Variants in GRIA4 observed in about 807,000 individuals in gnomAD.
GRIA4 encodes the protein glutamate receptor 4.
GRIA4 carries 34 observed loss-of-function variants against 104.0 expected under a neutral mutation model. The ratio of observed to expected loss-of-function variants is 0.33; its 90% CI spans 0.25 to 0.44. The LOEUF (loss-of-function observed/expected upper bound fraction) is 0.44, where lower values mean the gene tolerates loss of function less well. Ranked by LOEUF, GRIA4 falls within the 20% of genes least tolerant of loss-of-function variation. The pLI, the probability that GRIA4 is intolerant of heterozygous loss-of-function variation, is 1.00. For missense variants in GRIA4, 750 were observed against 1,096.5 expected, an observed-to-expected ratio of 0.68 and a Z score of 4.46; for synonymous variants, 386 against 381.9, an observed-to-expected ratio of 1.01 and a Z score of -0.13.
chr11:105,835,546 TTGTG>T (rs377086043), intron 4 of GRIA4, among the ~76,000 whole-genome samples: 11 of 151,846 alleles, frequency 7.2e-5, no homozygotes, highest in African/African-American at 2.4e-4. Flanking sequence ...GCCATGGATT[TTGTG>T]TGTGTGTGTG....
intron 3 of GRIA4, among the ~76,000 whole-genome samples, chr11:105,694,336 G>C (rs1953194342): frequency 6.6e-6 from 1 of 151,968 alleles, no homozygotes; most frequent in Non-Finnish European, 1.5e-5. Context: ...TTTTAGTAGA[G>C]AGGGATTTCA....
At chr11:105,631,006 G>T (rs541269950) in intron 3 of GRIA4, among the ~76,000 whole-genome samples, 2 of 152,034 alleles carry the variant, frequency 1.3e-5, no homozygotes, top group African/African-American at 4.8e-5. Context: ...TAAAATTCTC[G>T]TCTAAACCCC....
At chr11:105,965,032 C>G (rs1371090506) in intron 14 of GRIA4, among the ~76,000 whole-genome samples, 1 of 152,078 alleles carries the variant, frequency 6.6e-6, no homozygotes, top group African/African-American at 2.4e-5. Flanking sequence ...GTCTTGAACT[C>G]CTGACCTCAG....
intron 4 of GRIA4, among the ~76,000 whole-genome samples, chr11:105,757,038 A>T (rs1940351803): frequency 6.6e-6 from 1 of 152,158 alleles, no homozygotes. Flanking sequence ...GGAAATTCTC[A>T]CTTGTAACTG....
chr11:105,945,459 C>G, intron 14 of GRIA4: 1 of 931,342 alleles, frequency 1.1e-6, no homozygotes, highest in Non-Finnish European at 1.3e-6. Flanking sequence ...TATTTCTCCC[C>G]TAGGAGGAGG....
chr11:105,978,465 T>C (rs954714462), intron 16 of GRIA4, among the ~76,000 whole-genome samples: 3 of 152,122 alleles, frequency 2.0e-5, no homozygotes, highest in Non-Finnish European at 4.4e-5. Context: ...TTACTAGCAA[T>C]TTGACTTCAA....
At chr11:105,713,163 A>T (rs1953972331) in intron 3 of GRIA4, among the ~76,000 whole-genome samples, 1 of 152,126 alleles carries the variant, frequency 6.6e-6, no homozygotes, top group South Asian at 2.1e-4. Context: ...CAGGTGGATC[A>T]CTTGAGGTCA....
chr11:105,926,146 A>G (rs1162545928), intron 12 of GRIA4, among the ~76,000 whole-genome samples: 1 of 152,036 alleles, frequency 6.6e-6, no homozygotes, highest in Non-Finnish European at 1.5e-5. Context: ...TTCGAGACCA[A>G]TTCTAGACGC....
intron 14 of GRIA4, chr11:105,945,462 G>A: frequency 1.1e-6 from 1 of 934,462 alleles, no homozygotes; most frequent in Non-Finnish European, 1.3e-6. Context: ...TTCTCCCCTA[G>A]GAGGAGGACA....
intron 3 of GRIA4, among the ~76,000 whole-genome samples, chr11:105,738,945 C>CAA (rs5794423): frequency 2.8e-4 from 39 of 140,184 alleles, no homozygotes; most frequent in African/African-American, 3.4e-4. Context: ...AAAAAAAAAA[C>CAA]AAAAAAAACC....
intron 3 of GRIA4, among the ~76,000 whole-genome samples, chr11:105,639,864 T>A (rs1345776957): frequency 6.6e-6 from 1 of 151,958 alleles, no homozygotes; most frequent in Non-Finnish European, 1.5e-5. Flanking sequence ...AATAGAGCAG[T>A]AAACACTACA....
intron 3 of GRIA4, among the ~76,000 whole-genome samples, chr11:105,714,867 A>T (rs1045788646): frequency 1.3e-5 from 2 of 151,794 alleles, no homozygotes; most frequent in Admixed American, 1.3e-4. Flanking sequence ...TCTCTGAGAG[A>T]CTTCGATTAG....
In GRIA4 at chr11:105,894,902, C is replaced by A. The variant is rs1234365962; in HGVS notation, c.727-3367C>A. 2.6e-5 allele frequency among the ~76,000 whole-genome samples: 3 copies of A among 117,424 alleles called. 1 individual carries two copies. The highest frequency in any genetic ancestry group is 1.9e-4 in the Admixed American group (2 of 10,644). 77.0% of individuals were successfully genotyped at this position (117,424 alleles called of 152,430 possible). On this transcript the variant is annotated intron_variant, in intron 6 of 16. Coordinates refer to ENST00000282499, the MANE Select transcript of GRIA4 (RefSeq NM_000829.4). The stretch of plus-strand genomic sequence containing the variant: ...GCAAGCTCCGCTTCCCGGGTTCACG[C>A]CATTCTCCTGCCTCAGCCTCCCGAG...
chr11:105,632,661 G>A (rs1399022887), intron 3 of GRIA4, among the ~76,000 whole-genome samples: 1 of 152,172 alleles, frequency 6.6e-6, no homozygotes, highest in Non-Finnish European at 1.5e-5. Context: ...TAGGGGCCAA[G>A]CATTGTGGCT....
intron 3 of GRIA4, among the ~76,000 whole-genome samples, chr11:105,732,831 G>A (rs1014576485): frequency 1.3e-5 from 2 of 152,198 alleles, no homozygotes; most frequent in African/African-American, 4.8e-5. Context: ...AGACTCATGA[G>A]GTGGTGAATT....
chr11:105,957,171 C>A (rs919331757), intron 14 of GRIA4, among the ~76,000 whole-genome samples: 2 of 152,106 alleles, frequency 1.3e-5, no homozygotes, highest in African/African-American at 4.8e-5. Flanking sequence ...GTTTTAGTCA[C>A]AAAGTCCTTG....
intron 4 of GRIA4, among the ~76,000 whole-genome samples, chr11:105,831,735 C>A (rs567529799): frequency 5.1e-4 from 77 of 152,082 alleles, no homozygotes; most frequent in African/African-American, 1.8e-3. Context: ...AATGAGCAAC[C>A]ATTGAGATAG....
At chr11:105,920,220 T>A (rs1415237309) in intron 11 of GRIA4, among the ~76,000 whole-genome samples, 1 of 151,918 alleles carries the variant, frequency 6.6e-6, no homozygotes, top group Non-Finnish European at 1.5e-5. Flanking sequence ...GAAAAAAAAA[T>A]GCAGTTTAAA....
chr11:105,648,779 G>A (rs755927217), intron 3 of GRIA4, among the ~76,000 whole-genome samples: 72 of 152,294 alleles, frequency 4.7e-4, no homozygotes, highest in Non-Finnish European at 4.9e-4. Flanking sequence ...TAACATCTAA[G>A]ATAGGTACTT....
Sources: gnomAD v4.1 joint callset for allele counts (sites outside exome capture counted in the v4.1 genomes callset) on GRCh38, gnomAD v4.1.1 for gene constraint, MANE v1.5 for transcripts, NCBI Gene and HGNC (gene_info 2026-07-23, HGNC 2026-07-21) for gene names.